Variants in FAM240B observed in about 807,000 individuals in gnomAD.
The protein encoded by FAM240B is family with sequence similarity 240 member B.
At chr9:38,695,145 T>C (rs984436671) in intron 2 of FAM240B, among the ~76,000 whole-genome samples, 1 of 152,106 alleles carries the variant, frequency 6.6e-6, no homozygotes, top group Non-Finnish European at 1.5e-5. Context: ...GGTTGATAGG[T>C]GCAGCAAACC....
intron 2 of FAM240B, among the ~76,000 whole-genome samples, chr9:38,700,740 T>C (rs1821116552): frequency 6.6e-6 from 1 of 152,238 alleles, no homozygotes; most frequent in Admixed American, 6.5e-5. Flanking sequence ...CCATGTTCTG[T>C]TGCTTTTCTC....
intron 1 of FAM240B, among the ~76,000 whole-genome samples, chr9:38,714,353 G>T (rs971127616): frequency 1.3e-5 from 2 of 152,136 alleles, no homozygotes; most frequent in Non-Finnish European, 2.9e-5. Flanking sequence ...TTTTAAGGAG[G>T]AACACAATGC....
intron 1 of FAM240B, among the ~76,000 whole-genome samples, chr9:38,713,725 A>G (rs540230520): frequency 3.3e-5 from 5 of 152,254 alleles, no homozygotes; most frequent in Non-Finnish European, 5.9e-5. Flanking sequence ...TGATGCGTCA[A>G]CTTCTCTCAT....
At chr9:38,706,743 G>C (rs751202422) in intron 1 of FAM240B, among the ~76,000 whole-genome samples, 1 of 152,148 alleles carries the variant, frequency 6.6e-6, no homozygotes, top group Non-Finnish European at 1.5e-5. Flanking sequence ...CCTGACCCGA[G>C]CACACGCTCC....
intron 2 of FAM240B, among the ~76,000 whole-genome samples, chr9:38,695,243 G>A (rs1218336965): frequency 6.6e-6 from 1 of 152,236 alleles, no homozygotes; most frequent in East Asian, 1.9e-4. Flanking sequence ...ATGCTGCTAG[G>A]CATGGCGGCT....
At chr9:38,703,813 G>C (rs992123231) in intron 2 of FAM240B, 44 bp downstream of exon 2, 1 of 399,228 alleles carries the variant, frequency 2.5e-6, no homozygotes, top group African/African-American at 2.1e-5. Context: ...CATATCTCTG[G>C]AAAATCCACT....
chr9:38,717,082 C>A (rs568148896), intron 1 of FAM240B, among the ~76,000 whole-genome samples: 5 of 152,132 alleles, frequency 3.3e-5, no homozygotes, highest in Non-Finnish European at 7.4e-5. Flanking sequence ...ACGGCACACT[C>A]GGCACCCTCG....
chr9:38,700,198 A>G (rs180915445), intron 2 of FAM240B, among the ~76,000 whole-genome samples: 2 of 152,214 alleles, frequency 1.3e-5, no homozygotes, highest in African/African-American at 2.4e-5. Context: ...TTCTTTGTAG[A>G]CTAACTCTTG....
At chr9:38,718,016 C>T (rs74490900) in intron 1 of FAM240B, among the ~76,000 whole-genome samples, 19,028 of 152,192 alleles carry the variant, frequency 0.13, 1,234 homozygotes, top group East Asian at 0.22. Context: ...TATATGCGTA[C>T]GTATGTGTAC....
intron 2 of FAM240B, among the ~76,000 whole-genome samples, chr9:38,699,692 A>C (rs1464208089): frequency 6.6e-6 from 1 of 152,238 alleles, no homozygotes; most frequent in Non-Finnish European, 1.5e-5. Flanking sequence ...TGGTGGATCC[A>C]GAAAGGGAGC....
chr9:38,717,033 G>A (rs1252790176), intron 1 of FAM240B, among the ~76,000 whole-genome samples: 1 of 152,134 alleles, frequency 6.6e-6, no homozygotes, highest in African/African-American at 2.4e-5. Context: ...AGGTCTAAAT[G>A]GAACAGCCCC....
intron 1 of FAM240B, among the ~76,000 whole-genome samples, chr9:38,714,263 G>A (rs1330630345): frequency 6.6e-6 from 1 of 152,210 alleles, no homozygotes; most frequent in Non-Finnish European, 1.5e-5. Flanking sequence ...GAGGAAAAGA[G>A]AAAATCACCA....
chr9:38,708,155 G>T (rs1458628153), intron 1 of FAM240B, among the ~76,000 whole-genome samples: 1 of 152,170 alleles, frequency 6.6e-6, no homozygotes, highest in Non-Finnish European at 1.5e-5. Context: ...CTACCTACCT[G>T]CCCCTCCTAG....
At chr9:38,714,227 T>G (rs146239328) in intron 1 of FAM240B, among the ~76,000 whole-genome samples, 15 of 152,198 alleles carry the variant, frequency 9.9e-5, no homozygotes, top group African/African-American at 3.1e-4. Context: ...TTCAGAAGAA[T>G]TCCAGTGAAT....
intron 1 of FAM240B, among the ~76,000 whole-genome samples, chr9:38,711,870 C>A (rs977171863): frequency 2.0e-5 from 3 of 151,994 alleles, no homozygotes; most frequent in Non-Finnish European, 4.4e-5. Flanking sequence ...GTTGGTCAGG[C>A]TGGTCTCGAA....
intron 1 of FAM240B, among the ~76,000 whole-genome samples, chr9:38,717,542 G>A (rs894275210): frequency 1.2e-4 from 18 of 152,138 alleles, no homozygotes; most frequent in Non-Finnish European, 1.8e-4. Context: ...GTGCAGTGGC[G>A]CAATCTTGGC....
At chr9:38,713,054 C>T (rs1001776353) in intron 1 of FAM240B, among the ~76,000 whole-genome samples, 2 of 152,180 alleles carry the variant, frequency 1.3e-5, no homozygotes, top group African/African-American at 4.8e-5. Context: ...CGTGCTCAAT[C>T]CTGCCAGGTT....
At position 38,709,723 on chromosome 9, in the gene FAM240B, C is replaced by T. The variant is rs559417281; in HGVS notation, c.-3-5721G>A. Among the ~76,000 whole-genome samples the T allele has an allele frequency of 3.6e-4, 55 of 152,334 alleles. No homozygotes were observed. In the South Asian group the frequency reaches 9.8e-3, roughly 27 times the overall value. On this transcript the variant is annotated intron_variant, in intron 1 of 2. Transcript: ENST00000637493. ...TAAGCAATGTGCAGACACATAAACC[C>T]ATTAGGTACCTGAACCCTCCTAAGC...
At chr9:38,716,350 T>C (rs1340025439) in intron 1 of FAM240B, among the ~76,000 whole-genome samples, 2 of 152,204 alleles carry the variant, frequency 1.3e-5, no homozygotes, top group East Asian at 1.9e-4. Flanking sequence ...CCCATGCCTG[T>C]AATCCCAGCT....
Sources: gnomAD v4.1 joint callset for allele counts (sites outside exome capture counted in the v4.1 genomes callset) on GRCh38, gnomAD v4.1.1 for gene constraint, MANE v1.5 for transcripts, NCBI Gene and HGNC (gene_info 2026-07-23, HGNC 2026-07-21) for gene names.